Variants in SESN2 observed in about 807,000 individuals in gnomAD.
The protein encoded by SESN2 is sestrin 2, also known as sestrin-2.
A neutral mutation model predicts 56.0 loss-of-function variants in SESN2; 42 were observed. The observed-to-expected ratio is 0.75, with a 90% CI of 0.59 to 0.97. The LOEUF (loss-of-function observed/expected upper bound fraction) is 0.97, where lower values mean the gene tolerates loss of function less well. SESN2 is among the 50% of genes least tolerant of loss of function. The probability of loss-of-function intolerance (pLI) is 0.00; values close to 1 mark genes in which losing one functional copy is unlikely to be tolerated. For synonymous variants in SESN2, 264 were observed against 267.1 expected (o/e 0.99, Z 0.11); for missense variants, 507 against 649.4 (o/e 0.78, Z 2.38).
At chr1:28,280,675 G>A in intron 9 of SESN2, 41 bp from the exon 10 acceptor site, 1 of 1,494,256 alleles carries the variant, frequency 6.7e-7, no homozygotes, top group Non-Finnish European at 9.3e-7. Context: ...TGGGGGTGAG[G>A]AGTGACATCA....
chr1:28,280,029 G>T (rs1013428800), intron 9 of SESN2, among the ~76,000 whole-genome samples: 2 of 151,838 alleles, frequency 1.3e-5, no homozygotes, highest in African/African-American at 2.4e-5. Context: ...GTAGAGATAA[G>T]GTCTCACTGT....
At chr1:28,269,519 G>A (rs1421002068) in intron 2 of SESN2, among the ~76,000 whole-genome samples, 1 of 151,252 alleles carries the variant, frequency 6.6e-6, no homozygotes, top group Non-Finnish European at 1.5e-5. Context: ...TTGATTCCTA[G>A]ATCAGTGCCT....
At chr1:28,260,217 T>C (rs1458244170) in intron 1 of SESN2, among the ~76,000 whole-genome samples, 4 of 146,568 alleles carry the variant, frequency 2.7e-5, no homozygotes, top group African/African-American at 1.0e-4. Flanking sequence ...CTTCCTCGGC[T>C]CCCTCGGACT....
chr1:28,260,539 G>C (rs1647338633), intron 1 of SESN2, among the ~76,000 whole-genome samples: 1 of 151,534 alleles, frequency 6.6e-6, no homozygotes, highest in Non-Finnish European at 1.5e-5. Flanking sequence ...GGGCCGCCCG[G>C]TACGCGGCGG....
intron 1 of SESN2, among the ~76,000 whole-genome samples, chr1:28,265,586 G>A (rs1176539778): frequency 1.3e-5 from 2 of 152,010 alleles, no homozygotes; most frequent in Non-Finnish European, 2.9e-5. Context: ...GTAGAGACGG[G>A]GTTTCTCCAT....
intron 8 of SESN2, among the ~76,000 whole-genome samples, chr1:28,278,394 C>T (rs1209322335): frequency 1.3e-5 from 2 of 152,120 alleles, no homozygotes; most frequent in African/African-American, 4.8e-5. Context: ...TGGTGAAACC[C>T]CATCTCTACT....
At chr1:28,279,036 G>T in intron 8 of SESN2, 61 bp from the exon 9 acceptor site, 2 of 1,566,830 alleles carry the variant, frequency 1.3e-6, no homozygotes, top group South Asian at 2.2e-5. Flanking sequence ...GTGGGGTTGC[G>T]GGGAGGGAGC....
intron 1 of SESN2, among the ~76,000 whole-genome samples, chr1:28,261,401 C>T (rs551515155): frequency 6.6e-6 from 1 of 152,330 alleles, no homozygotes; most frequent in East Asian, 1.9e-4. Context: ...CTCCTGCTAA[C>T]TTGCAGTGTG....
At chr1:28,269,122 A>AG in intron 1 of SESN2, 61 bp from the exon 2 acceptor site, 1 of 1,220,094 alleles carries the variant, frequency 8.2e-7, no homozygotes, top group Non-Finnish European at 1.2e-6. Context: ...GAGGCTGGAT[A>AG]GGTAATAATC....
chr1:28,273,590 C>A, intron 6 of SESN2, 82 bp downstream of exon 6: 1 of 1,301,764 alleles, frequency 7.7e-7, no homozygotes, highest in Non-Finnish European at 1.0e-6. Flanking sequence ...CTCCTGCATT[C>A]CAGAGGCAGC....
intron 8 of SESN2, among the ~76,000 whole-genome samples, chr1:28,278,237 A>G (rs1244003324): frequency 1.3e-5 from 2 of 152,114 alleles, no homozygotes; most frequent in Admixed American, 1.3e-4. Context: ...ACTACAGAGT[A>G]GTGGTTATGG....
chr1:28,273,367 T>A lies in SESN2; in HGVS notation c.760T>A (p.Ser254Thr), dbSNP rs182740317. The stretch of plus-strand genomic sequence containing the variant: ...GGGGCCTCTCCTGCAGGGCTTTGAG[T>A]CTGCCCGCGACGTGGAGGCGCTGAT... ...DPLNNSGGFE[S>T]ARDVEALMER... The change falls in exon 6 of 10, where the codon TCT (serine) becomes ACT (threonine). Residue 254 changes from serine (S) to threonine (T), a missense_variant. Transcript: ENST00000253063. The A allele has an allele frequency of 1.3e-6, 2 of 1,594,324 alleles. No homozygotes were observed. The highest frequency in any genetic ancestry group is 2.3e-5 in the South Asian group (2 of 88,728).
chr1:28,260,131 CCTT>C (rs1234795826), intron 1 of SESN2, among the ~76,000 whole-genome samples, 194 bp downstream of exon 1: 4 of 147,220 alleles, frequency 2.7e-5, no homozygotes, highest in African/African-American at 5.0e-5. Context: ...CCCTCTCCCT[CCTT>C]CTCCCCCTCC....
rs3831951 is a variant in SESN2, at chr1:28,281,450, T to TA, written c.*661dup. ...GGCGTCAGGAGAGAGGCCAAGTACA[T>TA]AAAAAAAAAAAAAGCAGATTATCTC... is the stretch of plus-strand genomic sequence containing the variant. On this transcript the variant is annotated 3_prime_UTR_variant, in exon 10 of 10. Coordinates refer to ENST00000253063, the MANE Select transcript of SESN2 (RefSeq NM_031459.5). The TA allele has an allele frequency of 0.19, 27,572 of 141,608 alleles. 2,617 individuals are homozygous for TA. Among genetic ancestry groups the TA allele is most frequent in the Middle Eastern group, 0.24 (65 of 272 alleles). The allele number at this position is 141,608 out of a possible 1,614,324, so 8.8% of individuals were successfully genotyped here.
chr1:28,271,733 C>G lies in SESN2; in HGVS notation c.216C>G (p.Ser72=). 2 of 1,614,240 alleles carry G rather than the reference C, an allele frequency of 1.2e-6. No homozygotes were observed. The highest frequency in any genetic ancestry group is 2.2e-5 in the South Asian group (2 of 91,084). ...EQHLGLEALM[S]SGRVDNLAVV... ...ACCTGGGGCTGGAGGCACTGATGTC[C>G]TCTGGGCGAGTAGACAACCTGGCAG... Residue 72 remains serine (S), a synonymous_variant, in exon 3 of 10, where the codon TCC becomes TCG. Coordinates refer to ENST00000253063, the MANE Select transcript of SESN2 (RefSeq NM_031459.5).
chr1:28,277,961 T>C (rs1463075404), intron 8 of SESN2, among the ~76,000 whole-genome samples: 1 of 152,202 alleles, frequency 6.6e-6, no homozygotes, highest in African/African-American at 2.4e-5. Context: ...CCTATTTCTT[T>C]GTCTTCCAAA....
intron 2 of SESN2, among the ~76,000 whole-genome samples, chr1:28,270,125 G>C (rs978195710): frequency 6.6e-6 from 1 of 152,212 alleles, no homozygotes; most frequent in Non-Finnish European, 1.5e-5. Context: ...GCCGAGGCGG[G>C]CGGATCACGA....
intron 1 of SESN2, among the ~76,000 whole-genome samples, chr1:28,264,341 A>T (rs1557730104): frequency 6.6e-6 from 1 of 152,064 alleles, no homozygotes; most frequent in Non-Finnish European, 1.5e-5. Flanking sequence ...AAAAAAAAAG[A>T]AAAAATTAGG....
chr1:28,270,220 G>A (rs1004569363), intron 2 of SESN2, among the ~76,000 whole-genome samples: 1 of 151,958 alleles, frequency 6.6e-6, no homozygotes, highest in African/African-American at 2.4e-5. Context: ...GCGTGGTGGC[G>A]GGCGCCTGTA....
Sources: allele counts gnomAD v4.1 joint callset (sites outside exome capture counted in the v4.1 genomes callset), GRCh38; gene constraint gnomAD v4.1.1; transcripts MANE v1.5; gene names NCBI Gene and HGNC (gene_info 2026-07-23, HGNC 2026-07-21).